RUFY1: variants seen among roughly 807,000 people sequenced by gnomAD.
RUFY1 encodes the protein RUN and FYVE domain-containing protein 1.
RUFY1 carries 54 observed loss-of-function variants against 94.6 expected under a neutral mutation model. The ratio of observed to expected loss-of-function variants is 0.57; its 90% CI spans 0.46 to 0.72. The LOEUF (loss-of-function observed/expected upper bound fraction) is 0.72. RUFY1 is among the 30% of genes least tolerant of loss of function. The pLI, the probability that RUFY1 is intolerant of heterozygous loss-of-function variation, is 0.00. For missense variants in RUFY1, 883 were observed against 883.9 expected, an observed-to-expected ratio of 1.00 and a Z score of 0.01; for synonymous variants, 396 against 347.3, an observed-to-expected ratio of 1.14 and a Z score of -1.56.
intron 10 of RUFY1, 64 bp from the exon 11 acceptor site, chr5:179,593,414 C>T: frequency 6.5e-7 from 1 of 1,541,398 alleles, no homozygotes; most frequent in Non-Finnish European, 8.9e-7. Context: ...TGAGATTCAA[C>T]CCCAGTTAAA....
intron 7 of RUFY1, among the ~76,000 whole-genome samples, chr5:179,583,135 T>G (rs1053675577): frequency 6.6e-6 from 1 of 151,786 alleles, no homozygotes; most frequent in African/African-American, 2.4e-5. Flanking sequence ...AAACCCCATC[T>G]CTACTAAAAA....
At position 179,589,831 on chromosome 5, in the gene RUFY1, C is replaced by G. The variant is rs539655226; in HGVS notation, c.1128+184C>G. Reference sequence around the variant, plus strand: ...TCTCAGACCACCTGGATCCCTTGGACGGGGACTCCCTTCATGGCCTGTGGG... The same window carrying G: ...TCTCAGACCACCTGGATCCCTTGGAGGGGGACTCCCTTCATGGCCTGTGGG... On this transcript the variant is annotated intron_variant, in intron 9 of 17. Coordinates refer to ENST00000319449, the MANE Select transcript of RUFY1 (RefSeq NM_025158.5). Among the ~76,000 whole-genome samples the G allele has an allele frequency of 5.9e-5, 9 of 152,340 alleles. No homozygotes were observed. The South Asian group carries it at 1.7e-3, about 28-fold the overall frequency.
chr5:179,597,787 C>A (rs906299441), intron 13 of RUFY1, among the ~76,000 whole-genome samples: 1 of 152,208 alleles, frequency 6.6e-6, no homozygotes, highest in Non-Finnish European at 1.5e-5. Context: ...TCCAGCAGTG[C>A]CCCCAGGGCC....
intron 15 of RUFY1, chr5:179,602,264 G>T: frequency 2.6e-6 from 1 of 389,188 alleles, no homozygotes; most frequent in Non-Finnish European, 4.8e-6. Flanking sequence ...TCATATCCAG[G>T]GCCTGAGGGA....
intron 5 of RUFY1, among the ~76,000 whole-genome samples, chr5:179,571,175 C>T (rs994826838): frequency 6.6e-5 from 10 of 152,076 alleles, no homozygotes; most frequent in African/African-American, 1.2e-4. Flanking sequence ...TAACCAGTAC[C>T]TTATTAATTT....
At chr5:179,565,323 C>T (rs977605668) in intron 3 of RUFY1, among the ~76,000 whole-genome samples, 8 of 151,926 alleles carry the variant, frequency 5.3e-5, no homozygotes, top group African/African-American at 1.9e-4. Flanking sequence ...GGATTATAGG[C>T]ATGAGCCACC....
intron 2 of RUFY1, among the ~76,000 whole-genome samples, chr5:179,560,736 AAAAAAAAG>A (rs1161839425): frequency 1.5e-4 from 22 of 150,692 alleles, no homozygotes; most frequent in African/African-American, 3.4e-4. Flanking sequence ...AAAAAAAAAA[AAAAAAAAG>A]AAAAAAGAAA....
At chr5:179,579,586 C>A (rs1763923466) in intron 6 of RUFY1, among the ~76,000 whole-genome samples, 1 of 150,760 alleles carries the variant, frequency 6.6e-6, no homozygotes, top group Admixed American at 6.7e-5. Context: ...TCTGCCTCAG[C>A]CTCCCAAAGT....
chr5:179,591,348 C>A (rs895030049), intron 9 of RUFY1, among the ~76,000 whole-genome samples: 5 of 151,726 alleles, frequency 3.3e-5, no homozygotes, highest in Admixed American at 2.0e-4. Flanking sequence ...CCACGCCCAG[C>A]TAATTGTTTG....
intron 8 of RUFY1, 64 bp from the exon 9 acceptor site, chr5:179,589,482 G>C: frequency 9.4e-7 from 1 of 1,058,310 alleles, no homozygotes; most frequent in Non-Finnish European, 1.5e-6. Context: ...CCAAATTAAT[G>C]TTTTTAATTT....
At chr5:179,588,240 G>A (rs1011238605) in intron 8 of RUFY1, among the ~76,000 whole-genome samples, 1 of 152,190 alleles carries the variant, frequency 6.6e-6, no homozygotes, top group South Asian at 2.1e-4. Context: ...TGTAGACACT[G>A]TTGACAGAGA....
chr5:179,575,708 C>T (rs915660331), intron 5 of RUFY1, among the ~76,000 whole-genome samples: 3 of 152,094 alleles, frequency 2.0e-5, no homozygotes, highest in African/African-American at 7.2e-5. Context: ...GCCTTGGTTG[C>T]AACATAAGTA....
At position 179,609,764 on chromosome 5, in the gene RUFY1, A is replaced by G. The variant is rs2127581713; in HGVS notation, c.*245A>G. 1 of 428,452 alleles carries G rather than the reference A, an allele frequency of 2.3e-6. No individual in the cohort carries two copies. Among genetic ancestry groups the G allele is most frequent in the Non-Finnish European group, 4.1e-6 (1 of 242,084 alleles). 26.5% of individuals were successfully genotyped at this position (428,452 alleles called of 1,614,324 possible). ...TGGTTACATCACGGCTCTGGTTCAG[A>G]TACAACTTCATGATTTTGCTACTAT... is the stretch of plus-strand genomic sequence containing the variant. On this transcript the variant is annotated 3_prime_UTR_variant, in exon 18 of 18. Transcript: ENST00000319449.
In RUFY1 at chr5:179,576,530, C is replaced by T. The variant is rs562256792; in HGVS notation, c.829-545C>T. Among the ~76,000 whole-genome samples, 10 of 152,306 alleles carry T rather than the reference C, an allele frequency of 6.6e-5. 1 individual carries two copies. In the South Asian group the frequency reaches 2.1e-3, roughly 32 times the overall value. On this transcript the variant is annotated intron_variant, in intron 5 of 17. Transcript: ENST00000319449. ...CCGCCTCCCAGGTTCAAGCGATTCT[C>T]CTGCCTCAGCTTCCCGATTAGCTGG...
chr5:179,562,541 T>A lies in RUFY1; in HGVS notation c.485-6T>A, dbSNP rs755658679. The stretch of plus-strand genomic sequence containing the variant: ...TTATGAATAACACTTTTGTTTTTCC[T>A]TTTAGTTAAGAAGAGTTTTATTGGC... On this transcript the variant is annotated splice_region_variant and splice_polypyrimidine_tract_variant and intron_variant, in intron 2 of 17. Coordinates refer to ENST00000319449, the MANE Select transcript of RUFY1 (RefSeq NM_025158.5). 6.4e-7 allele frequency: 1 copy of A among 1,561,384 alleles called. No homozygotes were observed. The highest frequency in any genetic ancestry group is 8.8e-7 in the Non-Finnish European group (1 of 1,134,770).
chr5:179,552,183 A>AC (rs957084626), intron 1 of RUFY1, among the ~76,000 whole-genome samples: 2 of 148,466 alleles, frequency 1.3e-5, no homozygotes, highest in African/African-American at 5.2e-5. Context: ...AAAAAAAAAA[A>AC]AAAACTTGTT....
At chr5:179,596,939 T>TG in intron 13 of RUFY1, 1 of 453,730 alleles carries the variant, frequency 2.2e-6, no homozygotes, top group Admixed American at 3.8e-5. Context: ...GGTCACAGCC[T>TG]GTATCACCCT....
intron 2 of RUFY1, among the ~76,000 whole-genome samples, chr5:179,560,942 G>T (rs534038150): frequency 9.3e-4 from 141 of 152,240 alleles, no homozygotes; most frequent in African/African-American, 3.4e-3. Flanking sequence ...AGGCGCGGTG[G>T]CTCACGCCTT....
chr5:179,585,422 CA>C (rs1363198790), intron 7 of RUFY1, among the ~76,000 whole-genome samples: 32 of 151,924 alleles, frequency 2.1e-4, no homozygotes, highest in Non-Finnish European at 3.4e-4. Flanking sequence ...ACTAAAAATA[CA>C]AAAAAATTAG....
Sources: gnomAD v4.1 joint callset for allele counts (sites outside exome capture counted in the v4.1 genomes callset) on GRCh38, gnomAD v4.1.1 for gene constraint, MANE v1.5 for transcripts, NCBI Gene and HGNC (gene_info 2026-07-23, HGNC 2026-07-21) for gene names.